The following CECR2 variants were observed in gnomAD, a reference collection of about 807,000 sequenced individuals.
CECR2 encodes the protein CECR2 histone acetyl-lysine reader, also known as chromatin remodeling regulator CECR2.
A neutral mutation model predicts 154.5 loss-of-function variants in CECR2; 30 were observed. That is an observed-to-expected ratio of 0.19 (90% confidence interval 0.15 to 0.26). CECR2 has a LOEUF of 0.26. Among genes scored for constraint, CECR2 ranks in the 10% least tolerant of loss-of-function variants. The pLI is 1.00. For synonymous variants in CECR2, 725 were observed against 683.7 expected, an observed-to-expected ratio of 1.06 and a Z score of -0.94; for missense variants, 1,743 against 1,829.3, an observed-to-expected ratio of 0.95 and a Z score of 0.86.
chr22:17,442,738 G>A (rs1418983869), intron 1 of CECR2, among the ~76,000 whole-genome samples: 2 of 151,942 alleles, frequency 1.3e-5, no homozygotes, highest in East Asian at 1.9e-4. Flanking sequence ...TAGTAGAGAC[G>A]GGGTTTCACC....
chr22:17,365,294 T>A (rs2062996483), upstream of CECR2, among the ~76,000 whole-genome samples: 1 of 152,210 alleles, frequency 6.6e-6, no homozygotes, highest in Non-Finnish European at 1.5e-5. Context: ...AGCCACACTT[T>A]CCTTTGTTCA....
At chr22:17,523,188 G>A (rs146710713) in intron 8 of CECR2, among the ~76,000 whole-genome samples, 3,315 of 152,026 alleles carry the variant, frequency 0.022, 119 homozygotes, top group African/African-American at 0.077. Context: ...TTCGAGACCA[G>A]CCTGGCCAAC....
At chr22:17,547,514 G>A (rs1379284029) in intron 16 of CECR2, among the ~76,000 whole-genome samples, 4 of 152,328 alleles carry the variant, frequency 2.6e-5, no homozygotes, top group East Asian at 1.9e-4. Context: ...ACAGGCGTGA[G>A]CCACCGTGCC....
At chr22:17,475,717 G>T (rs2055197637) in intron 1 of CECR2, among the ~76,000 whole-genome samples, 1 of 152,274 alleles carries the variant, frequency 6.6e-6, no homozygotes, top group Admixed American at 6.5e-5. Context: ...TGAAGATTTT[G>T]CTTCTGTTGT....
chr22:17,410,125 GCACGCACC>G (rs2054043918), intron 1 of CECR2, among the ~76,000 whole-genome samples: 1 of 151,424 alleles, frequency 6.6e-6, no homozygotes, highest in Non-Finnish European at 1.5e-5. Flanking sequence ...GAGATTACAG[GCACGCACC>G]ACCACACCCA....
At chr22:17,516,368 A>T (rs2056056145) in intron 8 of CECR2, among the ~76,000 whole-genome samples, 1 of 152,158 alleles carries the variant, frequency 6.6e-6, no homozygotes, top group African/African-American at 2.4e-5. Flanking sequence ...GGCACAGCAG[A>T]AGGGAACACA....
chr22:17,433,659 G>A (rs12160091), intron 1 of CECR2, among the ~76,000 whole-genome samples: 3 of 151,978 alleles, frequency 2.0e-5, no homozygotes, highest in Admixed American at 1.3e-4. Context: ...TTCCCCAGGG[G>A]TGGTCTTGAA....
chr22:17,491,770 G>A (rs1191540120), intron 2 of CECR2, among the ~76,000 whole-genome samples: 1 of 151,216 alleles, frequency 6.6e-6, no homozygotes, highest in Non-Finnish European at 1.5e-5. Context: ...ATACATTTGG[G>A]GTTTATTCAC....
chr22:17,434,872 C>T (rs2054479372), intron 1 of CECR2, among the ~76,000 whole-genome samples: 1 of 151,996 alleles, frequency 6.6e-6, no homozygotes, highest in African/African-American at 2.4e-5. Flanking sequence ...TCAAGGGGGA[C>T]TTGAGAGCAG....
chr22:17,445,548 T>A lies in CECR2; in HGVS notation c.127-32040T>A, dbSNP rs2054646512. 9.8e-5 allele frequency among the ~76,000 whole-genome samples: 5 copies of A among 50,842 alleles called. 1 individual carries two copies. Among genetic ancestry groups the A allele is most frequent in the Non-Finnish European group, 1.6e-4 (5 of 31,302 alleles). 33.4% of individuals were successfully genotyped at this position (50,842 alleles called of 152,430 possible). On this transcript the variant is annotated intron_variant, in intron 1 of 18. Transcript: ENST00000262608. ...ATGCACATTCTGCTCTATACTTTATTATTATTATTATTATTATTATTATTA... is the reference window on the plus strand; with the variant it reads ...ATGCACATTCTGCTCTATACTTTATAATTATTATTATTATTATTATTATTA...
At chr22:17,504,315 C>T (rs1026442363) in intron 6 of CECR2, among the ~76,000 whole-genome samples, 7 of 151,908 alleles carry the variant, frequency 4.6e-5, no homozygotes, top group Non-Finnish European at 8.8e-5. Context: ...GTGTAGGTTA[C>T]AGTGAGCTGA....
intron 9 of CECR2, among the ~76,000 whole-genome samples, chr22:17,529,124 T>A (rs979340997): frequency 1.3e-5 from 2 of 152,028 alleles, no homozygotes; most frequent in African/African-American, 4.8e-5. Flanking sequence ...TCTCTGAAGA[T>A]TTGACATTTA....
intron 1 of CECR2, among the ~76,000 whole-genome samples, chr22:17,432,332 C>A (rs1320574899): frequency 6.6e-6 from 1 of 152,228 alleles, no homozygotes; most frequent in Non-Finnish European, 1.5e-5. Context: ...AGATACCATT[C>A]CACTGTGTGG....
chr22:17,456,190 A>G lies in CECR2; in HGVS notation c.127-21398A>G, dbSNP rs5992056. 7.1e-3 allele frequency among the ~76,000 whole-genome samples: 1,075 copies of G among 152,314 alleles called. 13 individuals carry two copies. Among genetic ancestry groups the G allele is most frequent in the African/African-American group, 0.025 (1,025 of 41,548 alleles). On this transcript the variant is annotated intron_variant, in intron 1 of 18. Coordinates refer to ENST00000262608, the MANE Select transcript of CECR2 (RefSeq NM_001290047.2). Reference sequence around the variant, plus strand: ...CTACTGTTGTACCATTGATAAAAATACTATATTCTAAAATGTTATGTATAG... The same window carrying G: ...CTACTGTTGTACCATTGATAAAAATGCTATATTCTAAAATGTTATGTATAG...
chr22:17,541,865 C>G lies in CECR2; in HGVS notation c.1911C>G (p.Gly637=), dbSNP rs369702089. The part of the protein sequence containing the change: ...QMRPAVPGTF[G]PLRGSDPATL... ...GGCCAGCAGTACCAGGAACATTTGG[C>G]CCTCTGCGAGGATCAGATCCTGCCA... The change falls in exon 15 of 19, where the codon GGC becomes GGG. Residue 637 remains glycine (G), a synonymous_variant. Coordinates refer to ENST00000262608, the MANE Select transcript of CECR2 (RefSeq NM_001290047.2). 1.9e-6 allele frequency: 3 copies of G among 1,613,774 alleles called. No individual in the cohort carries two copies. The African/African-American group carries it at 4.0e-5, about 22-fold the overall frequency.
intron 1 of CECR2, among the ~76,000 whole-genome samples, chr22:17,413,359 T>A (rs1409792498): frequency 6.6e-6 from 1 of 152,296 alleles, no homozygotes; most frequent in East Asian, 1.9e-4. Context: ...ATCTGCAGTC[T>A]GTTTTGGTTG....
At chr22:17,529,046 T>C (rs951557540) in intron 9 of CECR2, among the ~76,000 whole-genome samples, 1 of 151,994 alleles carries the variant, frequency 6.6e-6, no homozygotes, top group Admixed American at 6.6e-5. Flanking sequence ...CAGTGAGCGC[T>C]GATTTCCCCT....
At chr22:17,470,721 T>C (rs73157557) in intron 1 of CECR2, among the ~76,000 whole-genome samples, 125,779 of 152,126 alleles carry the variant, frequency 0.83, 52,122 homozygotes, top group African/African-American at 0.88. Flanking sequence ...AACTGTTCTT[T>C]CATAATTTCT....
intron 2 of CECR2, among the ~76,000 whole-genome samples, chr22:17,482,108 C>CT (rs1438059529): frequency 9.0e-5 from 7 of 77,896 alleles, no homozygotes; most frequent in Non-Finnish European, 1.3e-4. Context: ...GATCGAGACT[C>CT]TGTCTCCAAA....
Sources: gnomAD v4.1 joint callset for allele counts (sites outside exome capture counted in the v4.1 genomes callset) on GRCh38, gnomAD v4.1.1 for gene constraint, MANE v1.5 for transcripts, NCBI Gene and HGNC (gene_info 2026-07-23, HGNC 2026-07-21) for gene names.